Variants in ZNF727 observed in about 807,000 individuals in gnomAD.
ZNF727 encodes the protein putative zinc finger protein 727.
Under a neutral mutation model 11.5 loss-of-function variants are expected in ZNF727, and 11 were observed. The observed-to-expected ratio is 0.95, with a 90% CI of 0.60 to 1.58. The LOEUF (loss-of-function observed/expected upper bound fraction) is 1.58, where lower values mean the gene tolerates loss of function less well. ZNF727 is among the 40% of genes most tolerant of loss of function. The pLI, the probability that ZNF727 is intolerant of heterozygous loss-of-function variation, is 0.00. For missense variants in ZNF727, 533 were observed against 581.7 expected (o/e 0.92, Z 0.86); for synonymous variants, 171 against 196.1 (o/e 0.87, Z 1.07).
At chr7:64,066,330 G>A (rs1789868022) in intron 1 of ZNF727, among the ~76,000 whole-genome samples, 1 of 152,064 alleles carries the variant, frequency 6.6e-6, no homozygotes, top group Non-Finnish European at 1.5e-5. Context: ...AACCAAAAAA[G>A]TGCATATAGC....
intron 1 of ZNF727, among the ~76,000 whole-genome samples, chr7:64,050,021 G>A (rs1789566127): frequency 6.6e-6 from 1 of 151,622 alleles, no homozygotes; most frequent in Admixed American, 6.6e-5. Context: ...TTGTATTACT[G>A]TATTGGACAA....
At chr7:64,057,738 A>T (rs550970279) in intron 1 of ZNF727, among the ~76,000 whole-genome samples, 1 of 152,140 alleles carries the variant, frequency 6.6e-6, no homozygotes, top group African/African-American at 2.4e-5. Flanking sequence ...GTAAAAAAAA[A>T]AAATACCTAA....
chr7:64,070,933 T>A (rs1324111362), intron 3 of ZNF727, among the ~76,000 whole-genome samples: 1 of 152,098 alleles, frequency 6.6e-6, no homozygotes, highest in Non-Finnish European at 1.5e-5. Context: ...CCACCCATGT[T>A]GTAGAATGTC....
In ZNF727 at chr7:64,081,157, C is replaced by G. The variant is rs925882076; in HGVS notation, c.*2608C>G. ...CACTTCAGTGGCAGGAGCAAAGCAGCTGGGAGGGGAGTGGGGGTTACCTGC... is the reference window on the plus strand; with the variant it reads ...CACTTCAGTGGCAGGAGCAAAGCAGGTGGGAGGGGAGTGGGGGTTACCTGC... On this transcript the variant is annotated 3_prime_UTR_variant, in exon 4 of 4. Transcript: ENST00000456806. 4.6e-5 allele frequency among the ~76,000 whole-genome samples: 7 copies of G among 151,898 alleles called. No homozygotes were observed. Among genetic ancestry groups the G allele is most frequent in the Admixed American group, 3.9e-4 (6 of 15,230 alleles).
chr7:64,063,879 C>T (rs1422605162), intron 1 of ZNF727, among the ~76,000 whole-genome samples: 1 of 152,020 alleles, frequency 6.6e-6, no homozygotes, highest in Non-Finnish European at 1.5e-5. Flanking sequence ...CTTTCTCAAG[C>T]GTAAGAAGCC....
chr7:64,057,506 G>C (rs965328588), intron 1 of ZNF727, among the ~76,000 whole-genome samples: 1 of 152,140 alleles, frequency 6.6e-6, no homozygotes, highest in African/African-American at 2.4e-5. Context: ...GAAGCTGAAT[G>C]ATGAGTTACA....
chr7:64,046,982 T>C (rs1837344), intron 1 of ZNF727, among the ~76,000 whole-genome samples: 96,816 of 151,416 alleles, frequency 0.64, 31,659 homozygotes, highest in Non-Finnish European at 0.71. Flanking sequence ...TTTTGTGTTT[T>C]TTTTTTTTTT....
In ZNF727 at chr7:64,082,880, C is replaced by A. The variant is rs369019112; in HGVS notation, c.*4331C>A. Among the ~76,000 whole-genome samples, 23 of 146,836 alleles carry A rather than the reference C, an allele frequency of 1.6e-4. No individual in the cohort carries two copies. The highest frequency in any genetic ancestry group is 1.8e-4 in the Non-Finnish European group (12 of 66,566). ...CTGGTGAGAGAGCGAGACTCCGTCT[C>A]AAAAAAAAAAAAGAAAGAATGCAGT... On this transcript the variant is annotated 3_prime_UTR_variant, in exon 4 of 4. Coordinates refer to ENST00000456806, the MANE Select transcript of ZNF727 (RefSeq NM_001159522.3).
intron 1 of ZNF727, among the ~76,000 whole-genome samples, chr7:64,052,504 T>C (rs1275470931): frequency 1.3e-5 from 2 of 150,762 alleles, no homozygotes; most frequent in African/African-American, 4.9e-5. Flanking sequence ...GATGCAGGGG[T>C]GTGGCCCTCC....
intron 1 of ZNF727, among the ~76,000 whole-genome samples, chr7:64,048,213 A>C (rs1225484818): frequency 1.3e-5 from 2 of 152,216 alleles, no homozygotes; most frequent in African/African-American, 4.8e-5. Flanking sequence ...AATGTTTTCT[A>C]AGAGAAAAGA....
chr7:64,052,378 C>CTTT (rs56215284), intron 1 of ZNF727, among the ~76,000 whole-genome samples: 2 of 130,402 alleles, frequency 1.5e-5, no homozygotes, highest in African/African-American at 2.9e-5. Flanking sequence ...ATTTCTCTCT[C>CTTT]TTTTTTTTTT....
chr7:64,045,516 C>T lies in ZNF727; in HGVS notation c.-106C>T, dbSNP rs530736664. ...CCCGTCTGTACTATTCCATCTCTTC[C>T]GCTCCATTAGCTCCTCGGTGACTCC... On this transcript the variant is annotated 5_prime_UTR_variant, in exon 1 of 4. Transcript: ENST00000456806. 26 of 1,455,552 alleles carry T rather than the reference C, an allele frequency of 1.8e-5. No individual in the cohort carries two copies. The highest frequency in any genetic ancestry group is 1.2e-4 in the East Asian group (5 of 40,426). 90.2% of individuals were successfully genotyped at this position (1,455,552 alleles called of 1,614,324 possible).
chr7:64,060,744 T>G (rs888196126), intron 1 of ZNF727, among the ~76,000 whole-genome samples: 1 of 152,198 alleles, frequency 6.6e-6, no homozygotes, highest in Non-Finnish European at 1.5e-5. Context: ...ATTTTGGGTT[T>G]GGTTTGCTCT....
intron 3 of ZNF727, among the ~76,000 whole-genome samples, chr7:64,073,696 G>A (rs1323440180): frequency 6.6e-6 from 1 of 151,980 alleles, no homozygotes; most frequent in Non-Finnish European, 1.5e-5. Flanking sequence ...GCAATGGGCC[G>A]GGCTATAGAT....
At chr7:64,062,428 G>A (rs963777680) in intron 1 of ZNF727, among the ~76,000 whole-genome samples, 12 of 151,550 alleles carry the variant, frequency 7.9e-5, no homozygotes, top group African/African-American at 1.7e-4. Flanking sequence ...GGATATTTTT[G>A]CTGGATGTAT....
Position 64,069,629 on chromosome 7 carries a change from G to A in ZNF727, c.226+20G>A, listed in dbSNP as rs748666023. On this transcript the variant is annotated intron_variant, in intron 3 of 3. Transcript: ENST00000456806. Reference sequence around the variant, plus strand: ...ACCCAGGTAGGTGGGAGTGAGTGAAGCAAATGACATAAATGACGGTTCCCA... The same window carrying A: ...ACCCAGGTAGGTGGGAGTGAGTGAAACAAATGACATAAATGACGGTTCCCA... The A allele has an allele frequency of 7.2e-6, 11 of 1,528,390 alleles. No homozygotes were observed. The highest frequency in any genetic ancestry group is 9.8e-6 in the Non-Finnish European group (11 of 1,124,890). The allele number at this position is 1,528,390 out of a possible 1,614,324, so 94.7% of individuals were successfully genotyped here.
At chr7:64,048,551 AG>A (rs1789544487) in intron 1 of ZNF727, among the ~76,000 whole-genome samples, 1 of 152,228 alleles carries the variant, frequency 6.6e-6, no homozygotes, top group Non-Finnish European at 1.5e-5. Context: ...ATTATTTTTT[AG>A]AAAAATTTCT....
chr7:64,047,460 C>T (rs1789526992), intron 1 of ZNF727, among the ~76,000 whole-genome samples: 1 of 152,300 alleles, frequency 6.6e-6, no homozygotes, highest in African/African-American at 2.4e-5. Context: ...TAGGCACGCG[C>T]GCCTTCCCAG....
chr7:64,084,880 G>A lies in ZNF727; in HGVS notation c.*6331G>A, dbSNP rs1327141107. 2.0e-5 allele frequency among the ~76,000 whole-genome samples: 3 copies of A among 152,082 alleles called. No homozygotes were observed. The highest frequency in any genetic ancestry group is 6.6e-5 in the Admixed American group (1 of 15,262). On this transcript the variant is annotated 3_prime_UTR_variant, in exon 4 of 4. Coordinates refer to ENST00000456806, the MANE Select transcript of ZNF727 (RefSeq NM_001159522.3). ...AAAAGAAAAATATTAGAGTGAAACA[G>A]ATAATTTTACATGTGTTGATATCTT...
Sources: allele counts gnomAD v4.1 joint callset (sites outside exome capture counted in the v4.1 genomes callset), GRCh38; gene constraint gnomAD v4.1.1; transcripts MANE v1.5; gene names NCBI Gene and HGNC (gene_info 2026-07-23, HGNC 2026-07-21).